The following ANKIB1 variants were observed in gnomAD, a reference collection of about 807,000 sequenced individuals.
The protein encoded by ANKIB1 is ankyrin repeat and IBR domain containing 1.
ANKIB1 carries 43 observed loss-of-function variants against 122.1 expected under a neutral mutation model. The observed-to-expected ratio is 0.35, with a 90% CI of 0.28 to 0.45. The LOEUF (loss-of-function observed/expected upper bound fraction) is 0.45. Ranked by LOEUF, ANKIB1 falls within the 20% of genes least tolerant of loss-of-function variation. The pLI, the probability that ANKIB1 is intolerant of heterozygous loss-of-function variation, is 1.00. For missense variants in ANKIB1, 992 were observed against 1,329.5 expected, an observed-to-expected ratio of 0.75 and a Z score of 3.95; for synonymous variants, 390 against 442.0, an observed-to-expected ratio of 0.88 and a Z score of 1.48.
chr7:92,281,584 G>A (rs1260044543), intron 1 of ANKIB1, among the ~76,000 whole-genome samples: 2 of 152,150 alleles, frequency 1.3e-5, no homozygotes, highest in African/African-American at 4.8e-5. Context: ...GGTTCAGCAG[G>A]ACAATGGAGA....
chr7:92,384,077 C>T (rs1439061761), intron 11 of ANKIB1, among the ~76,000 whole-genome samples: 1 of 152,200 alleles, frequency 6.6e-6, no homozygotes, highest in East Asian at 1.9e-4. Flanking sequence ...AACTCACAAG[C>T]ATTCTTAAAC....
At chr7:92,324,140 AGGT>A (rs1160332984) in intron 4 of ANKIB1, among the ~76,000 whole-genome samples, 1 of 152,224 alleles carries the variant, frequency 6.6e-6, no homozygotes, top group Non-Finnish European at 1.5e-5. Flanking sequence ...AACTAGATAA[AGGT>A]GGTGATTGTA....
chr7:92,283,737 A>C (rs927587532), intron 1 of ANKIB1, among the ~76,000 whole-genome samples: 1 of 152,180 alleles, frequency 6.6e-6, no homozygotes, highest in African/African-American at 2.4e-5. Flanking sequence ...AATAAATTTA[A>C]TGTGGCCTAA....
chr7:92,342,868 G>A (rs1207074843), intron 5 of ANKIB1, among the ~76,000 whole-genome samples, 156 bp from the exon 6 acceptor site: 1 of 152,124 alleles, frequency 6.6e-6, no homozygotes, highest in East Asian at 1.9e-4. Context: ...CTAATAACAA[G>A]AACATACCTA....
chr7:92,258,943 TTTTTGTTTTG>T (rs367915303), intron 1 of ANKIB1, among the ~76,000 whole-genome samples: 2,300 of 152,160 alleles, frequency 0.015, 52 homozygotes, highest in African/African-American at 0.052. Context: ...TTTGGAGTTT[TTTTTGTTTTG>T]TTTTGTTTTG....
intron 5 of ANKIB1, among the ~76,000 whole-genome samples, chr7:92,341,381 T>TG (rs1803437226): frequency 6.6e-6 from 1 of 151,608 alleles, no homozygotes; most frequent in South Asian, 2.1e-4. Context: ...AAAAACACAA[T>TG]GGGCCTTAGA....
intron 1 of ANKIB1, among the ~76,000 whole-genome samples, chr7:92,283,641 G>A (rs1421104334): frequency 6.6e-6 from 1 of 152,056 alleles, no homozygotes; most frequent in Non-Finnish European, 1.5e-5. Flanking sequence ...CTACCACAAT[G>A]GTCCCATAAG....
At chr7:92,316,748 C>T (rs1284921467) in intron 3 of ANKIB1, among the ~76,000 whole-genome samples, 1 of 152,088 alleles carries the variant, frequency 6.6e-6, no homozygotes, top group Non-Finnish European at 1.5e-5. Context: ...TTTTAACCCC[C>T]CAATGAATGA....
intron 5 of ANKIB1, among the ~76,000 whole-genome samples, chr7:92,340,658 T>C (rs1378227716): frequency 6.6e-6 from 1 of 152,222 alleles, no homozygotes; most frequent in Non-Finnish European, 1.5e-5. Context: ...TAAAGTATAC[T>C]GGATTTTTAA....
chr7:92,253,879 T>C (rs1244767569), intron 1 of ANKIB1, among the ~76,000 whole-genome samples: 1 of 152,206 alleles, frequency 6.6e-6, no homozygotes, highest in Non-Finnish European at 1.5e-5. Flanking sequence ...TTTTTCTGTC[T>C]AGAGGTAGAA....
chr7:92,323,401 C>T (rs547064612), intron 4 of ANKIB1, among the ~76,000 whole-genome samples: 2 of 152,126 alleles, frequency 1.3e-5, no homozygotes, highest in Admixed American at 1.3e-4. Context: ...TTTCTTAATG[C>T]TTTCTAAGAG....
intron 1 of ANKIB1, among the ~76,000 whole-genome samples, chr7:92,255,013 A>G (rs1483495670): frequency 1.3e-5 from 2 of 152,142 alleles, no homozygotes; most frequent in African/African-American, 4.8e-5. Flanking sequence ...TTTCCTTCAC[A>G]AGCTCTCTTC....
chr7:92,284,020 C>T lies in ANKIB1; in HGVS notation c.-90-10869C>T, dbSNP rs142941479. Among the ~76,000 whole-genome samples, 1,092 of 152,266 alleles carry T rather than the reference C, an allele frequency of 7.2e-3. 9 individuals are homozygous for T. Among genetic ancestry groups the T allele is most frequent in the Non-Finnish European group, 0.011 (717 of 68,030 alleles). On this transcript the variant is annotated intron_variant, in intron 1 of 19. Transcript: ENST00000265742. ...TCCTGACCTCGTGATCTGCCTGCCT[C>T]GGCCTCCCAAAGTGCTGGGATTACA...
At chr7:92,370,719 A>G (rs964734213) in intron 10 of ANKIB1, among the ~76,000 whole-genome samples, 1 of 152,074 alleles carries the variant, frequency 6.6e-6, no homozygotes, top group African/African-American at 2.4e-5. Context: ...AGTCACATCT[A>G]CCCATAAATA....
intron 1 of ANKIB1, among the ~76,000 whole-genome samples, chr7:92,252,217 C>T (rs1177163036): frequency 1.3e-5 from 2 of 152,098 alleles, no homozygotes; most frequent in African/African-American, 4.8e-5. Flanking sequence ...GAGATGTATT[C>T]CAAAATTATG....
intron 9 of ANKIB1, among the ~76,000 whole-genome samples, chr7:92,359,195 ATTTC>A (rs1244469378): frequency 1.3e-5 from 2 of 152,254 alleles, no homozygotes; most frequent in East Asian, 3.9e-4. Context: ...TACATTAGGT[ATTTC>A]TTCTAATGCT....
chr7:92,292,389 T>C (rs1802267614), intron 1 of ANKIB1, among the ~76,000 whole-genome samples: 1 of 152,232 alleles, frequency 6.6e-6, no homozygotes, highest in African/African-American at 2.4e-5. Context: ...TTTTAAAAAC[T>C]TGTTGCTTTA....
chr7:92,377,782 C>A (rs1056888495), intron 11 of ANKIB1, among the ~76,000 whole-genome samples: 1 of 151,900 alleles, frequency 6.6e-6, no homozygotes, highest in African/African-American at 2.4e-5. Flanking sequence ...AGAGTATCCC[C>A]AAAAAAACCC....
intron 9 of ANKIB1, among the ~76,000 whole-genome samples, chr7:92,356,399 T>A (rs1458192868): frequency 6.6e-6 from 1 of 152,206 alleles, no homozygotes; most frequent in Non-Finnish European, 1.5e-5. Flanking sequence ...TCCTGCCAAC[T>A]AGCAAAACAT....
Sources: allele counts gnomAD v4.1 joint callset (sites outside exome capture counted in the v4.1 genomes callset), GRCh38; gene constraint gnomAD v4.1.1; transcripts MANE v1.5; gene names NCBI Gene and HGNC (gene_info 2026-07-23, HGNC 2026-07-21).